The following CIAO2A variants were observed in gnomAD, a reference collection of about 807,000 sequenced individuals.
The protein encoded by CIAO2A is MIP18 family protein FAM96A.
In CIAO2A, 17 loss-of-function variants were observed where a neutral mutation model predicts 22.4. The observed-to-expected ratio is 0.76, with a 90% confidence interval of 0.52 to 1.14. CIAO2A has a LOEUF of 1.14. Ranked by LOEUF, CIAO2A falls within the 50% of genes most tolerant of loss-of-function variation. The pLI is 0.00. For synonymous variants in CIAO2A, 74 were observed against 72.3 expected, an observed-to-expected ratio of 1.02 and a Z score of -0.12; for missense variants, 192 against 191.4, an observed-to-expected ratio of 1.00 and a Z score of -0.02.
intron 3 of CIAO2A, among the ~76,000 whole-genome samples, chr15:64,078,815 G>A (rs1595953514): frequency 6.6e-6 from 1 of 152,034 alleles, no homozygotes; most frequent in South Asian, 2.1e-4. Flanking sequence ...AAACCAAGGC[G>A]GGAGGACTGC....
intron 3 of CIAO2A, among the ~76,000 whole-genome samples, chr15:64,076,417 A>G (rs1050776860): frequency 6.6e-6 from 1 of 152,112 alleles, no homozygotes. Flanking sequence ...TTTCTCATTC[A>G]TTATTATCAT....
chr15:64,077,297 C>CAACAAAACAA (rs61363469), intron 3 of CIAO2A, among the ~76,000 whole-genome samples: 2,884 of 150,496 alleles, frequency 0.019, 41 homozygotes, highest in East Asian at 0.05. Context: ...GACTCCGTCT[C>CAACAAAACAA]AACAAAACAA....
intron 3 of CIAO2A, among the ~76,000 whole-genome samples, chr15:64,077,997 A>G (rs979980550): frequency 1.3e-5 from 2 of 152,226 alleles, no homozygotes; most frequent in Non-Finnish European, 2.9e-5. Flanking sequence ...AAATATGTGT[A>G]TGTGTGTGTA....
rs1490053973 is a variant in CIAO2A, at chr15:64,075,553, AAAAGT to A, written c.340-21_340-17del. 25 of 1,539,860 alleles carry A rather than the reference AAAAGT, an allele frequency of 1.6e-5. No individual in the cohort carries two copies. Among genetic ancestry groups the A allele is most frequent in the Non-Finnish European group, 2.2e-5 (25 of 1,125,320 alleles). ...AGATTTCCAACTGGAAAGTGGGAAA[AAAAGT>A]AAAAGAAAAAACATTAATGCATTCT... On this transcript the variant is annotated splice_polypyrimidine_tract_variant and intron_variant, in intron 3 of 4. Transcript: ENST00000300030.
rs757805784 is a variant in CIAO2A, at chr15:64,088,777, C to T, written c.199G>A (p.Val67Met). The change falls in exon 2 of 5, where the codon GTG becomes ATG. Residue 67 changes from valine to methionine, a missense_variant. By Grantham distance (21) the Val-to-Met change is conservative. Transcript: ENST00000300030. ...TCTTCATTTATCTCCTGAACTTCCA[C>T]ACAACTTTCCGAGACCACTTCCAGT... ...EELEVVSESC[V>M]EVQEINEEEY... 8 of 1,613,990 alleles carry T rather than the reference C, an allele frequency of 5.0e-6. No homozygotes were observed. Among genetic ancestry groups the T allele is most frequent in the Non-Finnish European group, 6.8e-6 (8 of 1,179,996 alleles).
At chr15:64,074,879 C>A (rs763351474) in intron 4 of CIAO2A, 6 of 152,076 alleles carry the variant, frequency 3.9e-5, no homozygotes, top group East Asian at 1.9e-4. Context: ...GTACAACATG[C>A]CTTTTAAATG....
chr15:64,082,751 G>A (rs905466802), intron 2 of CIAO2A, among the ~76,000 whole-genome samples: 6 of 151,988 alleles, frequency 3.9e-5, no homozygotes, highest in Non-Finnish European at 1.5e-5. Context: ...TTTACAATTC[G>A]CAAAGCACTT....
intron 1 of CIAO2A, among the ~76,000 whole-genome samples, chr15:64,091,718 T>C (rs945629565): frequency 6.6e-6 from 1 of 151,948 alleles, no homozygotes; most frequent in African/African-American, 2.4e-5. Flanking sequence ...ATTAAATTTC[T>C]CTAGTTTTCT....
chr15:64,080,770 T>C (rs2080753955), intron 3 of CIAO2A, among the ~76,000 whole-genome samples: 1 of 152,078 alleles, frequency 6.6e-6, no homozygotes, highest in Non-Finnish European at 1.5e-5. Context: ...TGTGGAGAAG[T>C]GGGAACGCAG....
At chr15:64,087,832 C>A (rs116436735) in intron 2 of CIAO2A, among the ~76,000 whole-genome samples, 2 of 152,134 alleles carry the variant, frequency 1.3e-5, no homozygotes, top group Non-Finnish European at 2.9e-5. Context: ...CACTATTACC[C>A]GCTAACACCC....
At chr15:64,075,654 T>A in intron 3 of CIAO2A, 117 bp from the exon 4 acceptor site, 1 of 159,036 alleles carries the variant, frequency 6.3e-6, no homozygotes, top group Non-Finnish European at 1.3e-5. Context: ...ATCCTGTTTC[T>A]TTTTTTTTTT....
In CIAO2A at chr15:64,093,792, G is replaced by A. The variant is rs2080866369; in HGVS notation, c.-24C>T. The A allele has an allele frequency of 1.2e-6, 2 of 1,606,170 alleles. No homozygotes were observed. The highest frequency in any genetic ancestry group is 1.7e-5 in the Admixed American group (1 of 59,468). ...ATCTTCACGCTCAGCCATCCCTGGC[G>A]ACTGTCCCAATCGCGCCACCGTCTC... On this transcript the variant is annotated 5_prime_UTR_variant, in exon 1 of 5. Coordinates refer to ENST00000300030, the MANE Select transcript of CIAO2A (RefSeq NM_032231.7).
At chr15:64,092,138 C>T (rs893485690) in intron 1 of CIAO2A, among the ~76,000 whole-genome samples, 1 of 151,644 alleles carries the variant, frequency 6.6e-6, no homozygotes, top group African/African-American at 2.4e-5. Flanking sequence ...CATTCTTCCA[C>T]AGCACTGCAC....
At chr15:64,091,068 C>A (rs190225632) in intron 1 of CIAO2A, among the ~76,000 whole-genome samples, 2 of 152,148 alleles carry the variant, frequency 1.3e-5, no homozygotes, top group African/African-American at 4.8e-5. Flanking sequence ...GTTCTCAAAT[C>A]TGAAGTTTTG....
At chr15:64,079,151 A>T (rs1181666591) in intron 3 of CIAO2A, among the ~76,000 whole-genome samples, 2 of 152,110 alleles carry the variant, frequency 1.3e-5, no homozygotes, top group African/African-American at 2.4e-5. Flanking sequence ...AAAAAAAAAA[A>T]TTTAAAAGAT....
intron 3 of CIAO2A, among the ~76,000 whole-genome samples, chr15:64,077,898 A>T (rs1043965125): frequency 6.6e-6 from 1 of 152,222 alleles, no homozygotes; most frequent in African/African-American, 2.4e-5. Context: ...ATACTGTGGT[A>T]ATGTAAGAGA....
At chr15:64,087,787 C>T (rs1010717476) in intron 2 of CIAO2A, among the ~76,000 whole-genome samples, 13 of 151,802 alleles carry the variant, frequency 8.6e-5, no homozygotes, top group Non-Finnish European at 1.5e-4. Flanking sequence ...AAGTCTCCCT[C>T]CCACCCTTTC....
intron 2 of CIAO2A, among the ~76,000 whole-genome samples, chr15:64,081,730 G>T (rs556135885): frequency 6.6e-6 from 1 of 151,864 alleles, no homozygotes; most frequent in Non-Finnish European, 1.5e-5. Flanking sequence ...GTACAGATGG[G>T]GTTTCACCAT....
chr15:64,087,666 G>A (rs11636327), intron 2 of CIAO2A, among the ~76,000 whole-genome samples: 81,809 of 152,178 alleles, frequency 0.54, 27,180 homozygotes, highest in East Asian at 0.81. Flanking sequence ...AATCACAATA[G>A]TGGAAATAAT....
Sources: allele counts gnomAD v4.1 joint callset (sites outside exome capture counted in the v4.1 genomes callset), GRCh38; gene constraint gnomAD v4.1.1; transcripts MANE v1.5; gene names NCBI Gene and HGNC (gene_info 2026-07-23, HGNC 2026-07-21).